The following NOMO1 variants were observed in gnomAD, a reference collection of about 807,000 sequenced individuals.
The protein encoded by NOMO1 is nodal modulator 3.
A neutral mutation model predicts 133.8 loss-of-function variants in NOMO1; 40 were observed. That is an observed-to-expected ratio of 0.30 (90% confidence interval 0.23 to 0.39). The LOEUF (loss-of-function observed/expected upper bound fraction) is 0.39. Among genes scored for constraint, NOMO1 ranks in the 10% least tolerant of loss-of-function variants. The pLI, the probability that NOMO1 is intolerant of heterozygous loss-of-function variation, is 1.00. For missense variants in NOMO1, 462 were observed against 1,419.9 expected, an observed-to-expected ratio of 0.33 and a Z score of 10.84; for synonymous variants, 236 against 570.5, an observed-to-expected ratio of 0.41 and a Z score of 8.36.
At chr16:14,870,973 G>A (rs1964073449) in intron 16 of NOMO1, among the ~76,000 whole-genome samples, 1 of 147,944 alleles carries the variant, frequency 6.8e-6, no homozygotes, top group Non-Finnish European at 1.5e-5. Flanking sequence ...TCTGGGGCTT[G>A]TTGAGTGCAA....
chr16:14,866,407 A>G, intron 14 of NOMO1, 148 bp from the exon 15 acceptor site: 4 of 1,393,082 alleles, frequency 2.9e-6, no homozygotes, highest in Non-Finnish European at 3.9e-6. Context: ...CTAGTTATAA[A>G]TATATGTATG....
intron 11 of NOMO1, among the ~76,000 whole-genome samples, chr16:14,860,493 G>T (rs13338655): frequency 6.6e-6 from 1 of 151,922 alleles, no homozygotes; most frequent in African/African-American, 2.4e-5. Context: ...TGGTGTGAAT[G>T]GAGGGGCCAG....
intron 9 of NOMO1, among the ~76,000 whole-genome samples, chr16:14,855,393 A>C (rs1963818924): frequency 6.6e-6 from 1 of 151,518 alleles, no homozygotes; most frequent in African/African-American, 2.4e-5. Context: ...CAAATCCCAA[A>C]AGAAAATAAC....
At chr16:14,868,793 G>A (rs1964040116) in intron 16 of NOMO1, among the ~76,000 whole-genome samples, 158 bp downstream of exon 16, 1 of 150,832 alleles carries the variant, frequency 6.6e-6, no homozygotes, top group Non-Finnish European at 1.5e-5. Flanking sequence ...TCTTGGGTTT[G>A]AGTTGGGTAG....
At chr16:14,862,916 C>T (rs978848549) in intron 11 of NOMO1, 97 bp from the exon 12 acceptor site, 2 of 1,554,920 alleles carry the variant, frequency 1.3e-6, no homozygotes, top group African/African-American at 2.7e-5. Flanking sequence ...TTCTCAGGAA[C>T]AAGGGCTGGG....
intron 3 of NOMO1, among the ~76,000 whole-genome samples, chr16:14,843,092 A>G (rs1241010833): frequency 7.9e-6 from 1 of 125,820 alleles, no homozygotes; most frequent in Non-Finnish European, 1.6e-5. Context: ...TAATTTTTGT[A>G]TTTTTAGTAG....
rs748616828 is a variant in NOMO1, at chr16:14,857,627, C to T, written c.1192C>T (p.Pro398Ser). 2 of 1,613,662 alleles carry T rather than the reference C, an allele frequency of 1.2e-6. No individual in the cohort carries two copies. Among genetic ancestry groups the T allele is most frequent in the Non-Finnish European group, 1.7e-6 (2 of 1,179,836 alleles). Residue 398 changes from proline (P) to serine (S), a missense_variant, in exon 11 of 31, where the codon CCT (proline) becomes TCT (serine). By Grantham distance (74) the Pro-to-Ser change is moderately conservative. Transcript: ENST00000287667. The part of the protein sequence containing the change: ...TVTIKIAPNT[P>S]QLADIIATGF... Reference sequence around the variant, plus strand: ...CACCATCAAAATTGCACCGAACACACCTCAGCTGGCTGACATTATTGCAAC... The same window carrying T: ...CACCATCAAAATTGCACCGAACACATCTCAGCTGGCTGACATTATTGCAAC...
In NOMO1 at chr16:14,833,736, G is replaced by T. The variant is rs1388928215; in HGVS notation, c.-116G>T. On this transcript the variant is annotated 5_prime_UTR_variant, in exon 1 of 31. Coordinates refer to ENST00000287667, the MANE Select transcript of NOMO1 (RefSeq NM_014287.4). ...CGTGCGCGGCGGCTCTGGCGGCGGCGGTGGGGCGGGGCCTGGGCTGTCAGC... is the reference window on the plus strand; with the variant it reads ...CGTGCGCGGCGGCTCTGGCGGCGGCTGTGGGGCGGGGCCTGGGCTGTCAGC... The T allele has an allele frequency of 1.1e-5, 12 of 1,101,476 alleles. No individual in the cohort carries two copies. Among genetic ancestry groups the T allele is most frequent in the Non-Finnish European group, 1.3e-5 (11 of 855,126 alleles). 68.2% of individuals were successfully genotyped at this position (1,101,476 alleles called of 1,614,324 possible).
At chr16:14,869,250 T>C (rs528564310) in intron 16 of NOMO1, among the ~76,000 whole-genome samples, 1 of 151,886 alleles carries the variant, frequency 6.6e-6, no homozygotes, top group South Asian at 2.1e-4. Context: ...CTCTCTCTTT[T>C]ATAATGGCTT....
At position 14,866,644 on chromosome 16, in the gene NOMO1, C is replaced by A; in HGVS notation, c.1759C>A (p.Gln587Lys). Residue 587 changes from glutamine (Q) to lysine (K), a missense_variant, in exon 15 of 31, where the codon CAG becomes AAG. Transcript: ENST00000287667. Reference sequence around the variant, plus strand: ...TGACATGTCTGCAGTTGAGTTCAGGCAGACGGGCTACATGCTGAGATGTTC... The same window carrying A: ...TGACATGTCTGCAGTTGAGTTCAGGAAGACGGGCTACATGCTGAGATGTTC... Reference protein sequence around the residue: ...EDDMSAVEFRQTGYMLRCSLS... With the variant: ...EDDMSAVEFRKTGYMLRCSLS... The A allele has an allele frequency of 6.2e-7, 1 of 1,610,064 alleles. No homozygotes were observed.
Position 14,872,328 on chromosome 16 carries a change from A to G in NOMO1, c.2053A>G (p.Lys685Glu). 1.2e-6 allele frequency: 1 copy of G among 838,016 alleles called. No individual in the cohort carries two copies. Among genetic ancestry groups the G allele is most frequent in the South Asian group, 1.5e-5 (1 of 66,104 alleles). 51.9% of individuals were successfully genotyped at this position (838,016 alleles called of 1,614,324 possible). A position where few individuals can be genotyped will look rare whatever the true frequency, so the allele number is the denominator to read the frequency against. ...DKMMDVTVTI[K>E]SSIDSEPALV... The stretch of plus-strand genomic sequence containing the variant: ...AATGATGGATGTCACTGTGACTATC[A>G]AGTAAGATGAGCGTTCTGCAGTGGG... Residue 685 changes from lysine (K) to glutamate (E), a missense_variant and splice_region_variant, in exon 18 of 31, where the codon AAG becomes GAG. By Grantham distance (56) the Lys-to-Glu change is moderately conservative. Transcript: ENST00000287667.
chr16:14,843,715 TTGTGTGTGTGTGTG>T lies in NOMO1; in HGVS notation c.302-944_302-931del, dbSNP rs59391735. On this transcript the variant is annotated intron_variant, in intron 3 of 30. Transcript: ENST00000287667. ...TTTTGCCCATTTTTTATTGGAGTCT[TTGTGTGTGTGTGTG>T]TGTGTGTGTGTGTGCATGTACGCGT... Among the ~76,000 whole-genome samples, 13 of 125,994 alleles carry T rather than the reference TTGTGTGTGTGTGTG, an allele frequency of 1.0e-4. No individual in the cohort carries two copies. The South Asian group carries it at 3.8e-3, about 37-fold the overall frequency. The allele number at this position is 125,994 out of a possible 152,430, so 82.7% of individuals were successfully genotyped here.
chr16:14,885,606 G>C (rs892429312), intron 27 of NOMO1, among the ~76,000 whole-genome samples: 1 of 151,260 alleles, frequency 6.6e-6, no homozygotes, highest in African/African-American at 2.4e-5. Context: ...GCTTGCAGGC[G>C]TGTGCTTGTA....
At chr16:14,893,616 A>C (rs953440033) in intron 29 of NOMO1, among the ~76,000 whole-genome samples, 26 of 151,848 alleles carry the variant, frequency 1.7e-4, no homozygotes, top group Non-Finnish European at 3.8e-4. Context: ...CATTTATGAA[A>C]GGGCATCCCA....
chr16:14,835,383 G>T (rs1597088121), intron 1 of NOMO1, among the ~76,000 whole-genome samples: 1 of 151,316 alleles, frequency 6.6e-6, no homozygotes, highest in Admixed American at 6.6e-5. Context: ...CTGCACTGGG[G>T]ACAGGACGCG....
At chr16:14,845,550 AG>A (rs1296859715) in intron 4 of NOMO1, among the ~76,000 whole-genome samples, 7 of 151,994 alleles carry the variant, frequency 4.6e-5, no homozygotes, top group Non-Finnish European at 8.8e-5. Flanking sequence ...GTGTGAATTT[AG>A]AGTCCTAATG....
chr16:14,853,564 C>T lies in NOMO1; in HGVS notation c.833C>T (p.Ser278Leu), dbSNP rs142296824. Residue 278 changes from serine (S) to leucine (L), a missense_variant, in exon 8 of 31, where the codon TCG becomes TTG. Ser to Leu is a moderately radical substitution (Grantham distance 145). Transcript: ENST00000287667. ...TACACGGTCTCCAGAGAAGATGGCT[C>T]GTTCTCTTTCTATTCCTTGCCAAGT... ...LCYTVSREDG[S>L]FSFYSLPSGG... 365 of 1,610,090 alleles carry T rather than the reference C, an allele frequency of 2.3e-4. 1 individual carries two copies. The highest frequency in any genetic ancestry group is 2.8e-4 in the Non-Finnish European group (326 of 1,179,624).
At chr16:14,850,732 T>A (rs1475931264) in intron 6 of NOMO1, among the ~76,000 whole-genome samples, 1 of 152,028 alleles carries the variant, frequency 6.6e-6, no homozygotes, top group East Asian at 1.9e-4. Context: ...ATTCTCTTCT[T>A]ACTGTTTATG....
chr16:14,893,289 G>C (rs527638780), intron 29 of NOMO1, among the ~76,000 whole-genome samples: 1 of 151,752 alleles, frequency 6.6e-6, no homozygotes. Context: ...TCTGCTTCCC[G>C]GGTTCAAGTG....
Sources: allele counts gnomAD v4.1 joint callset (sites outside exome capture counted in the v4.1 genomes callset), GRCh38; gene constraint gnomAD v4.1.1; transcripts MANE v1.5; gene names NCBI Gene and HGNC (gene_info 2026-07-23, HGNC 2026-07-21).